The following KSR2 variants were observed in gnomAD, a reference collection of about 807,000 sequenced individuals.
The protein encoded by KSR2 is kinase suppressor of ras 2.
A neutral mutation model predicts 107.8 loss-of-function variants in KSR2; 25 were observed. The ratio of observed to expected loss-of-function variants is 0.23; its 90% CI spans 0.17 to 0.32. The LOEUF (loss-of-function observed/expected upper bound fraction) is 0.32. Ranked by LOEUF, KSR2 falls within the 10% of genes least tolerant of loss-of-function variation. The pLI is 1.00. For missense variants in KSR2, 887 were observed against 1,268.9 expected (o/e 0.70, Z 4.57); for synonymous variants, 480 against 507.0 (o/e 0.95, Z 0.71).
At chr12:117,693,228 A>C (rs1885905265) in intron 4 of KSR2, among the ~76,000 whole-genome samples, 1 of 152,206 alleles carries the variant, frequency 6.6e-6, no homozygotes, top group Non-Finnish European at 1.5e-5. Flanking sequence ...AGAACAAATA[A>C]ATAAAGACAA....
chr12:117,684,072 CA>C (rs1885474055), intron 4 of KSR2, among the ~76,000 whole-genome samples: 1 of 152,194 alleles, frequency 6.6e-6, no homozygotes, highest in East Asian at 1.9e-4. Context: ...GAAGTGAAAA[CA>C]AAACACTAAG....
chr12:117,824,906 G>T (rs1323276755), intron 3 of KSR2, among the ~76,000 whole-genome samples: 1 of 150,810 alleles, frequency 6.6e-6, no homozygotes, highest in African/African-American at 2.4e-5. Context: ...AAAGCTGGGA[G>T]CAGTGGCTCA....
chr12:117,825,505 T>C (rs1891710274), intron 3 of KSR2, among the ~76,000 whole-genome samples: 1 of 152,196 alleles, frequency 6.6e-6, no homozygotes, highest in Non-Finnish European at 1.5e-5. Context: ...TGAGCACTCT[T>C]TCTGCCATCC....
chr12:117,767,560 A>G (rs1453295533), intron 3 of KSR2, among the ~76,000 whole-genome samples: 2 of 151,950 alleles, frequency 1.3e-5, no homozygotes, highest in African/African-American at 4.8e-5. Flanking sequence ...AGCACTTCGG[A>G]AGGCCAAGGT....
intron 3 of KSR2, among the ~76,000 whole-genome samples, chr12:117,805,935 T>C (rs1221166149): frequency 1.3e-5 from 2 of 152,086 alleles, no homozygotes; most frequent in African/African-American, 4.8e-5. Context: ...TGAGCCAAGA[T>C]TGTGCCACTG....
chr12:117,604,119 G>A (rs2136297690), intron 5 of KSR2, among the ~76,000 whole-genome samples: 1 of 152,304 alleles, frequency 6.6e-6, no homozygotes, highest in Admixed American at 6.5e-5. Flanking sequence ...TGGGACCCTT[G>A]AAGGGGCATG....
intron 3 of KSR2, among the ~76,000 whole-genome samples, chr12:117,836,926 T>C (rs1892238915): frequency 2.6e-5 from 4 of 152,254 alleles, no homozygotes; most frequent in Admixed American, 2.0e-4. Flanking sequence ...CTAGAGTTTT[T>C]TCTGTCGCTT....
At chr12:117,537,784 G>C (rs184594276) in intron 10 of KSR2, among the ~76,000 whole-genome samples, 2 of 152,316 alleles carry the variant, frequency 1.3e-5, no homozygotes, top group African/African-American at 2.4e-5. Context: ...CGCTAGAACA[G>C]CAAATTGTCA....
intron 1 of KSR2, among the ~76,000 whole-genome samples, chr12:117,960,610 G>A (rs1044922945): frequency 2.0e-4 from 31 of 152,116 alleles, no homozygotes; most frequent in Admixed American, 3.9e-4. Context: ...AACCACAAGT[G>A]AGTCAGGCAA....
At chr12:117,848,620 A>C (rs1433381847) in intron 3 of KSR2, among the ~76,000 whole-genome samples, 1 of 152,248 alleles carries the variant, frequency 6.6e-6, no homozygotes, top group Non-Finnish European at 1.5e-5. Flanking sequence ...AGGGAAACAA[A>C]GAATGAGAGT....
chr12:117,904,049 C>T (rs1410657340), intron 1 of KSR2, among the ~76,000 whole-genome samples: 3 of 151,906 alleles, frequency 2.0e-5, no homozygotes, highest in Non-Finnish European at 2.9e-5. Context: ...AAAAAGATTC[C>T]GTGATATCTT....
intron 3 of KSR2, among the ~76,000 whole-genome samples, chr12:117,769,970 C>G (rs1889375948): frequency 6.6e-6 from 1 of 151,816 alleles, no homozygotes; most frequent in South Asian, 2.1e-4. Flanking sequence ...AGGAGAATCA[C>G]TTTAACCTGG....
At chr12:117,715,270 G>A (rs142704269) in intron 4 of KSR2, among the ~76,000 whole-genome samples, 38 of 152,252 alleles carry the variant, frequency 2.5e-4, no homozygotes, top group African/African-American at 8.7e-4. Context: ...CGACCCACCC[G>A]GGGATCCCTG....
chr12:117,797,484 G>A (rs532033287), intron 3 of KSR2, among the ~76,000 whole-genome samples: 10 of 151,970 alleles, frequency 6.6e-5, no homozygotes, highest in Non-Finnish European at 1.2e-4. Flanking sequence ...CTGTGGGAAG[G>A]AGGGAATGAG....
chr12:117,795,133 C>A (rs1890575498), intron 3 of KSR2, among the ~76,000 whole-genome samples: 1 of 152,180 alleles, frequency 6.6e-6, no homozygotes, highest in Admixed American at 6.5e-5. Flanking sequence ...GCAAAGGACA[C>A]CGACTCATCA....
At chr12:117,592,199 C>T (rs936983807) in intron 5 of KSR2, among the ~76,000 whole-genome samples, 2 of 151,630 alleles carry the variant, frequency 1.3e-5, no homozygotes, top group African/African-American at 2.4e-5. Flanking sequence ...CTGCAACCTC[C>T]GCCTCCCAGG....
chr12:117,803,567 G>A (rs1422085300), intron 3 of KSR2, among the ~76,000 whole-genome samples: 2 of 152,154 alleles, frequency 1.3e-5, no homozygotes, highest in African/African-American at 2.4e-5. Flanking sequence ...GCCGGACGTG[G>A]TGGCGGGAGC....
intron 5 of KSR2, among the ~76,000 whole-genome samples, chr12:117,593,040 G>A (rs61195602): frequency 1.5e-3 from 221 of 152,266 alleles, no homozygotes; most frequent in African/African-American, 5.1e-3. Flanking sequence ...GAAAGAGGAG[G>A]GGAACATGGT....
At chr12:117,654,890 A>G (rs1316110403) in intron 5 of KSR2, among the ~76,000 whole-genome samples, 1 of 152,164 alleles carries the variant, frequency 6.6e-6, no homozygotes, top group Non-Finnish European at 1.5e-5. Flanking sequence ...TCATTGCCCA[A>G]TGTGCCCATG....
Sources: gnomAD v4.1 joint callset for allele counts (sites outside exome capture counted in the v4.1 genomes callset) on GRCh38, gnomAD v4.1.1 for gene constraint, MANE v1.5 for transcripts, NCBI Gene and HGNC (gene_info 2026-07-23, HGNC 2026-07-21) for gene names.